Variants in PRELID2 observed in about 807,000 individuals in gnomAD.
The protein encoded by PRELID2 is PRELI domain containing 2, also known as PRELI domain-containing protein 2.
In PRELID2, 25 loss-of-function variants were observed where a neutral mutation model predicts 28.4. The observed-to-expected ratio is 0.88, with a 90% CI of 0.64 to 1.23. The LOEUF is 1.23. Among genes scored for constraint, PRELID2 ranks in the 50% most tolerant of loss-of-function variants. PRELID2 has a pLI of 0.00. For missense variants in PRELID2, 201 were observed against 214.4 expected (o/e 0.94, Z 0.39); for synonymous variants, 76 against 71.6 (o/e 1.06, Z -0.31).
intron 1 of PRELID2, chr5:145,834,773 C>CAGCG (rs1174594191): frequency 5.9e-6 from 1 of 170,188 alleles, no homozygotes; most frequent in African/African-American, 2.4e-5. Flanking sequence ...TAATAAGGAG[C>CAGCG]AGCGGATGGG....
chr5:145,433,820 T>C, the PRELID2 span, among the ~76,000 whole-genome samples: 1 of 152,194 alleles, frequency 6.6e-6, no homozygotes, highest in East Asian at 1.9e-4. Context: ...TTCTTCCTGC[T>C]GGTACTGTAT....
Position 145,682,829 on chromosome 5 carries a change from A to G in PRELID2, n.70+82102T>C, listed in dbSNP as rs1450524837. Among the ~76,000 whole-genome samples, 3 of 152,184 alleles carry G rather than the reference A, an allele frequency of 2.0e-5. No individual in the cohort carries two copies. The East Asian group carries it at 5.8e-4, about 29-fold the overall frequency. On this transcript the variant is annotated intron_variant and non_coding_transcript_variant, in intron 1 of 2. Coordinates refer to the PRELID2 transcript ENST00000510259. ...CGAGGTTGATCATTTCACCATATGC[A>G]AAGGGCTGGCTGGCTTTCACTTGGC...
In PRELID2 at chr5:145,701,947, A is replaced by G. The variant is rs140636889; in HGVS notation, n.70+62984T>C. Among the ~76,000 whole-genome samples, 810 of 152,162 alleles carry G rather than the reference A, an allele frequency of 5.3e-3. 9 individuals are homozygous for G. The highest frequency in any genetic ancestry group is 0.017 in the African/African-American group (725 of 41,510). Reference sequence around the variant, plus strand: ...ATGCCTGTAATCCCAGGTACTCGGGAGGCCAAGACAGGAGAAATGCTTAAA... The same window carrying G: ...ATGCCTGTAATCCCAGGTACTCGGGGGGCCAAGACAGGAGAAATGCTTAAA... On this transcript the variant is annotated intron_variant and non_coding_transcript_variant, in intron 1 of 2. Coordinates refer to the PRELID2 transcript ENST00000510259.
the PRELID2 span, among the ~76,000 whole-genome samples, chr5:145,259,991 T>C: frequency 1.1e-4 from 17 of 152,288 alleles, no homozygotes; most frequent in African/African-American, 3.8e-4. Flanking sequence ...TTTAGCACCA[T>C]CCCGTTAGTG....
chr5:145,285,396 C>G, the PRELID2 span, among the ~76,000 whole-genome samples: 1 of 152,062 alleles, frequency 6.6e-6, no homozygotes, highest in Non-Finnish European at 1.5e-5. Flanking sequence ...GAAGCTCCCC[C>G]GCTCCGCCCA....
the PRELID2 span, among the ~76,000 whole-genome samples, chr5:145,311,288 T>C: frequency 6.6e-6 from 1 of 152,284 alleles, no homozygotes; most frequent in East Asian, 1.9e-4. Context: ...CAGCTCGCAC[T>C]GGTTGATAAG....
chr5:145,314,098 C>CTTGAAGTG, the PRELID2 span, among the ~76,000 whole-genome samples: 7 of 152,246 alleles, frequency 4.6e-5, no homozygotes, highest in Admixed American at 1.3e-4. Flanking sequence ...GTCAGGGAAA[C>CTTGAAGTG]ATTTGAAGAA....
chr5:145,812,573 A>G (rs1036695654), intron 4 of PRELID2, among the ~76,000 whole-genome samples: 3 of 152,236 alleles, frequency 2.0e-5, no homozygotes, highest in Admixed American at 6.5e-5. Context: ...ACACACATAT[A>G]CATACATACA....
chr5:145,328,337 C>G, the PRELID2 span, among the ~76,000 whole-genome samples: 3 of 152,160 alleles, frequency 2.0e-5, no homozygotes, highest in Non-Finnish European at 2.9e-5. Flanking sequence ...AATTCTAGTT[C>G]TAGATCCTTG....
intron 1 of PRELID2, among the ~76,000 whole-genome samples, chr5:145,833,042 T>A (rs1755708929): frequency 6.6e-6 from 1 of 152,148 alleles, no homozygotes; most frequent in African/African-American, 2.4e-5. Flanking sequence ...ATCAGTTCCA[T>A]GAGAACAGGG....
chr5:145,575,051 C>A (rs1753049004), intron 1 of PRELID2, among the ~76,000 whole-genome samples: 1 of 152,092 alleles, frequency 6.6e-6, no homozygotes, highest in Non-Finnish European at 1.5e-5. Context: ...ATGACTGAGA[C>A]CTTTGAGTGA....
the PRELID2 span, among the ~76,000 whole-genome samples, chr5:145,417,509 G>C: frequency 1.3e-5 from 2 of 152,074 alleles, no homozygotes; most frequent in South Asian, 4.2e-4. Flanking sequence ...ATAAAATACT[G>C]GCACACCAAA....
chr5:145,623,779 C>T (rs1178734616), intron 1 of PRELID2, among the ~76,000 whole-genome samples: 2 of 152,192 alleles, frequency 1.3e-5, no homozygotes, highest in African/African-American at 4.8e-5. Flanking sequence ...ATACTTCTGA[C>T]ACCAAATGCA....
At chr5:145,384,033 C>T in the PRELID2 span, among the ~76,000 whole-genome samples, 4 of 152,180 alleles carry the variant, frequency 2.6e-5, no homozygotes, top group African/African-American at 9.6e-5. Context: ...AGAAGGTATA[C>T]TAACGGCCAG....
chr5:145,371,869 G>A, the PRELID2 span, among the ~76,000 whole-genome samples: 1 of 126,030 alleles, frequency 7.9e-6, no homozygotes, highest in Non-Finnish European at 1.6e-5. Flanking sequence ...TCTAGCTAGT[G>A]GTCTATTTTG....
chr5:145,597,873 C>A (rs1468473953), intron 1 of PRELID2, among the ~76,000 whole-genome samples: 1 of 152,080 alleles, frequency 6.6e-6, no homozygotes, highest in Non-Finnish European at 1.5e-5. Context: ...GAGTAAGGAG[C>A]TGGGTGAATA....
chr5:145,580,222 A>G (rs573113229), intron 1 of PRELID2, among the ~76,000 whole-genome samples: 26 of 152,234 alleles, frequency 1.7e-4, no homozygotes, highest in Admixed American at 1.2e-3. Flanking sequence ...TGGGCTATAG[A>G]TAACCAAAAG....
At chr5:145,546,971 C>T (rs1752793240) in intron 1 of PRELID2, among the ~76,000 whole-genome samples, 1 of 152,118 alleles carries the variant, frequency 6.6e-6, no homozygotes, top group Admixed American at 6.6e-5. Flanking sequence ...GGGAGTAATA[C>T]CTACCTCAGA....
At chr5:145,685,477 C>A (rs1045078863) in intron 1 of PRELID2, among the ~76,000 whole-genome samples, 2 of 152,184 alleles carry the variant, frequency 1.3e-5, no homozygotes, top group Non-Finnish European at 2.9e-5. Flanking sequence ...CCTTCTCTGG[C>A]ATAGATAAGA....
Sources: gnomAD v4.1 joint callset for allele counts (sites outside exome capture counted in the v4.1 genomes callset) on GRCh38, gnomAD v4.1.1 for gene constraint, MANE v1.5 for transcripts, NCBI Gene and HGNC (gene_info 2026-07-23, HGNC 2026-07-21) for gene names.